Variants in TOGARAM1 observed in about 807,000 individuals in gnomAD.
TOGARAM1 encodes the protein TOG array regulator of axonemal microtubules 1, also known as TOG array regulator of axonemal microtubules protein 1.
A neutral mutation model predicts 166.6 loss-of-function variants in TOGARAM1; 100 were observed. That is an observed-to-expected ratio of 0.60 (90% confidence interval 0.51 to 0.71). The LOEUF (loss-of-function observed/expected upper bound fraction) is 0.71, where lower values mean the gene tolerates loss of function less well. TOGARAM1 is among the 30% of genes least tolerant of loss of function. TOGARAM1 has a pLI of 0.00. For synonymous variants in TOGARAM1, 758 were observed against 763.8 expected (o/e 0.99, Z 0.13); for missense variants, 2,029 against 2,102.7 (o/e 0.96, Z 0.69).
chr14:44,995,649 T>C (rs1887376177), intron 1 of TOGARAM1, 97 bp from the exon 2 acceptor site: 1 of 853,364 alleles, frequency 1.2e-6, no homozygotes, highest in East Asian at 2.7e-5. Context: ...AAATTTATTC[T>C]AACCTGAATT....
At chr14:44,995,715 A>T in intron 1 of TOGARAM1, 31 bp from the exon 2 acceptor site, 1 of 1,468,696 alleles carries the variant, frequency 6.8e-7, no homozygotes, top group Non-Finnish European at 9.1e-7. Context: ...AATTAACACA[A>T]ATTTGCTAAT....
At chr14:44,974,149 G>A (rs1348213308) in intron 1 of TOGARAM1, among the ~76,000 whole-genome samples, 1 of 151,402 alleles carries the variant, frequency 6.6e-6, no homozygotes, top group Non-Finnish European at 1.5e-5. Flanking sequence ...TTATACATAT[G>A]TTACACGTTT....
intron 7 of TOGARAM1, among the ~76,000 whole-genome samples, chr14:45,018,831 A>G (rs1880315619): frequency 6.6e-6 from 1 of 152,248 alleles, no homozygotes; most frequent in African/African-American, 2.4e-5. Context: ...TCTTCTTAAA[A>G]GTAACTCATA....
At chr14:45,040,002 T>C (rs1347348093) in intron 11 of TOGARAM1, among the ~76,000 whole-genome samples, 1 of 152,184 alleles carries the variant, frequency 6.6e-6, no homozygotes, top group African/African-American at 2.4e-5. Context: ...ACATTCCACC[T>C]ACAGCAGCAG....
intron 1 of TOGARAM1, among the ~76,000 whole-genome samples, chr14:44,987,428 A>G (rs1040592171): frequency 2.6e-5 from 4 of 152,212 alleles, no homozygotes; most frequent in Non-Finnish European, 5.9e-5. Context: ...AAACAACCCC[A>G]TCAACAAGTG....
rs757292376 is a variant in TOGARAM1 at position 45,001,217 on chromosome 14, A to C, written c.2338+1720A>C. Among the ~76,000 whole-genome samples the C allele has an allele frequency of 7.2e-5, 11 of 152,204 alleles. 1 individual carries two copies. The highest frequency in any genetic ancestry group is 6.2e-4 in the South Asian group (3 of 4,834). On this transcript the variant is annotated intron_variant, in intron 3 of 19. Coordinates refer to ENST00000361462, the MANE Select transcript of TOGARAM1 (RefSeq NM_001308120.2). ...ATATCTTATTGTGGTTTTGATTTGCACTAGACCTCTACCTTTCACTGTATG... is the reference window on the plus strand; with the variant it reads ...ATATCTTATTGTGGTTTTGATTTGCCCTAGACCTCTACCTTTCACTGTATG...
chr14:45,040,921 C>A (rs1881693030), intron 11 of TOGARAM1, among the ~76,000 whole-genome samples: 2 of 152,172 alleles, frequency 1.3e-5, no homozygotes, highest in African/African-American at 4.8e-5. Context: ...TGCCTGTAAT[C>A]CCAGCTATTC....
At position 44,993,839 on chromosome 14, in the gene TOGARAM1, G is replaced by C. The variant is rs559277251; in HGVS notation, c.2047-1907G>C. ...CCTCCACCAGTTGTTGTATGTATCT[G>C]GCCTATATACTAATATCTGTTTGCT... On this transcript the variant is annotated intron_variant, in intron 1 of 19. Coordinates refer to ENST00000361462, the MANE Select transcript of TOGARAM1 (RefSeq NM_001308120.2). Among the ~76,000 whole-genome samples the C allele has an allele frequency of 1.7e-3, 266 of 152,124 alleles. 2 individuals are homozygous for C. Among genetic ancestry groups the C allele is most frequent in the Non-Finnish European group, 3.2e-3 (217 of 67,972 alleles).
intron 13 of TOGARAM1, 55 bp from the exon 14 acceptor site, chr14:45,046,489 CT>C (rs1399051785): frequency 1.6e-5 from 20 of 1,241,728 alleles, no homozygotes; most frequent in Non-Finnish European, 1.8e-5. Flanking sequence ...ATCCATAGAT[CT>C]TTGGAGAATA....
chr14:45,021,595 C>A (rs1343574969), intron 7 of TOGARAM1, among the ~76,000 whole-genome samples: 1 of 149,528 alleles, frequency 6.7e-6, no homozygotes, highest in Non-Finnish European at 1.5e-5. Context: ...GCGTTGTCTC[C>A]TGGATTTCCG....
chr14:45,051,235 G>A (rs561105363), intron 14 of TOGARAM1, among the ~76,000 whole-genome samples: 9 of 152,220 alleles, frequency 5.9e-5, no homozygotes, highest in African/African-American at 2.2e-4. Context: ...TGTATTTTAG[G>A]TAGTAAAGAA....
At chr14:44,992,611 C>CTTTTTTTTT (rs376434047) in intron 1 of TOGARAM1, among the ~76,000 whole-genome samples, 1 of 91,306 alleles carries the variant, frequency 1.1e-5, no homozygotes, top group Non-Finnish European at 2.0e-5. Context: ...TTTTTGTAAT[C>CTTTTTTTTT]TTTTTTTTTT....
Position 44,969,158 on chromosome 14 carries a change from C to CTTTT in TOGARAM1, c.2046+4692_2046+4695dup, listed in dbSNP as rs1185142596. ...CCTTCCTTCCTTCCTTTCTTTCTTTCTTTTCTTTCTTTTCTTTTTTTTTTT... is the reference window on the plus strand; with the variant it reads ...CCTTCCTTCCTTCCTTTCTTTCTTTCTTTTTTTTCTTTCTTTTCTTTTTTTTTTT... On this transcript the variant is annotated intron_variant, in intron 1 of 19. Transcript: ENST00000361462. Among the ~76,000 whole-genome samples the CTTTT allele has an allele frequency of 4.5e-3, 577 of 127,398 alleles. 4 individuals are homozygous for CTTTT. Among genetic ancestry groups the CTTTT allele is most frequent in the African/African-American group, 0.018 (533 of 29,786 alleles). 83.6% of individuals were successfully genotyped at this position (127,398 alleles called of 152,430 possible).
intron 18 of TOGARAM1, among the ~76,000 whole-genome samples, chr14:45,069,102 C>T (rs1465699658): frequency 1.3e-5 from 2 of 152,064 alleles, no homozygotes; most frequent in Admixed American, 1.3e-4. Context: ...AAAGCATGAT[C>T]CTATAATCTC....
At chr14:45,069,451 CAAAG>C in intron 18 of TOGARAM1, among the ~76,000 whole-genome samples, 1 of 151,444 alleles carries the variant, frequency 6.6e-6, no homozygotes. Context: ...GCATATTTGA[CAAAG>C]AACTCATACC....
At chr14:45,071,119 A>C (rs903050324) in intron 18 of TOGARAM1, among the ~76,000 whole-genome samples, 1 of 151,874 alleles carries the variant, frequency 6.6e-6, no homozygotes, top group Non-Finnish European at 1.5e-5. Context: ...ACAGGATTTC[A>C]CTGTGCTGGC....
intron 14 of TOGARAM1, among the ~76,000 whole-genome samples, chr14:45,049,057 CAAAAAAAAAAAAAAAAA>C (rs71108678): frequency 4.2e-5 from 2 of 47,322 alleles, no homozygotes; most frequent in East Asian, 1.7e-3. Flanking sequence ...ACAAACTTCT[CAAAAAAAAAAAAAAAAA>C]AAAAAAAAAA....
chr14:45,019,352 C>G (rs1880350459), intron 7 of TOGARAM1, among the ~76,000 whole-genome samples: 1 of 152,134 alleles, frequency 6.6e-6, no homozygotes, highest in Admixed American at 6.5e-5. Flanking sequence ...ATCCAGGCTG[C>G]ATAGTCTTCC....
At chr14:45,063,480 T>G (rs1010155076) in intron 16 of TOGARAM1, among the ~76,000 whole-genome samples, 1 of 103,826 alleles carries the variant, frequency 9.6e-6, no homozygotes, top group Non-Finnish European at 1.8e-5. Flanking sequence ...TTTGACAAAG[T>G]TTTTTTTTTT....
Sources: gnomAD v4.1 joint callset for allele counts (sites outside exome capture counted in the v4.1 genomes callset) on GRCh38, gnomAD v4.1.1 for gene constraint, MANE v1.5 for transcripts, NCBI Gene and HGNC (gene_info 2026-07-23, HGNC 2026-07-21) for gene names.